Variants in CATSPERQ observed in about 807,000 individuals in gnomAD.
The protein encoded by CATSPERQ is catsper channel auxiliary subunit theta, also known as cation channel sperm-associated auxiliary subunit theta.
At chr8:144,354,065 G>A in the CATSPERQ span, 20 of 1,535,398 alleles carry the variant, frequency 1.3e-5, no homozygotes, top group East Asian at 1.7e-4. This position sits in a 1 kb window ranked among gnomAD's most constrained non-coding sequence, Gnocchi z 4.6. Context: ...AGCACCAGGC[G>A]GCGCCGCGGC....
chr8:144,353,629 C>A, the CATSPERQ span: 1 of 1,460,294 alleles, frequency 6.8e-7, no homozygotes, highest in Non-Finnish European at 9.2e-7. Context: ...CCGTCCTGCC[C>A]GAAGCCCCGG....
At chr8:144,354,764 G>T in the CATSPERQ span, 3 of 1,535,004 alleles carry the variant, frequency 2.0e-6, no homozygotes, top group Non-Finnish European at 2.6e-6. The surrounding 1 kb of genome is among the most constrained non-coding windows in gnomAD (Gnocchi z 4.6). Context: ...CGGCCCTTAG[G>T]CATCTGAGTC....
chr8:144,354,021 G>A, the CATSPERQ span: 9 of 1,535,494 alleles, frequency 5.9e-6, no homozygotes, highest in Non-Finnish European at 7.0e-6. This position sits in a 1 kb window ranked among gnomAD's most constrained non-coding sequence, Gnocchi z 4.6. Flanking sequence ...TGCGGCCCTG[G>A]ATGGAGAAGT....
the CATSPERQ span, chr8:144,353,968 G>A: frequency 3.3e-6 from 5 of 1,533,134 alleles, no homozygotes; most frequent in East Asian, 4.9e-5. Context: ...GGAGCTGAGC[G>A]CCAGGCGCAC....
chr8:144,353,605 C>T, the CATSPERQ span: 1 of 1,467,832 alleles, frequency 6.8e-7, no homozygotes, highest in African/African-American at 1.4e-5. Context: ...CCTTCCCCTA[C>T]CAGGCTGCAT....
At chr8:144,354,578 A>AGCCCCGCCCCGCCCC in the CATSPERQ span, 2 of 221,158 alleles carry the variant, frequency 9.0e-6, no homozygotes, top group South Asian at 5.3e-5. This position sits in a 1 kb window ranked among gnomAD's most constrained non-coding sequence, Gnocchi z 4.6. Flanking sequence ...CGCCCTTCCC[A>AGCCCCGCCCCGCCCC]GCCCCGCCCC....
the CATSPERQ span, chr8:144,354,535 A>T: frequency 1.4e-6 from 2 of 1,439,344 alleles, no homozygotes; most frequent in African/African-American, 1.4e-5. The surrounding 1 kb of genome is among the most constrained non-coding windows in gnomAD (Gnocchi z 4.6). Flanking sequence ...CGCCCCATTC[A>T]GGCCTCGGGC....
At chr8:144,354,373 G>T in the CATSPERQ span, 4 of 1,508,424 alleles carry the variant, frequency 2.7e-6, no homozygotes, top group South Asian at 3.6e-5. The surrounding 1 kb of genome is among the most constrained non-coding windows in gnomAD (Gnocchi z 4.6). Context: ...GGCCCTGCCC[G>T]CAGCCGGGGG....
At chr8:144,353,841 G>A in the CATSPERQ span, 5 of 1,535,296 alleles carry the variant, frequency 3.3e-6, no homozygotes, top group East Asian at 2.4e-5. Context: ...CGAGGACCAG[G>A]TGGAAGAAGC....
chr8:144,354,917 G>A, the CATSPERQ span: 1 of 1,305,992 alleles, frequency 7.7e-7, no homozygotes, highest in East Asian at 2.5e-5. This position sits in a 1 kb window ranked among gnomAD's most constrained non-coding sequence, Gnocchi z 4.6. Flanking sequence ...GGGCAGCGAG[G>A]CCAGGGAGCG....
At chr8:144,354,495 G>A in the CATSPERQ span, 11 of 1,375,718 alleles carry the variant, frequency 8.0e-6, no homozygotes, top group Non-Finnish European at 1.0e-5. This position sits in a 1 kb window ranked among gnomAD's most constrained non-coding sequence, Gnocchi z 4.6. Flanking sequence ...CCCACCCAGG[G>A]CCCTGGCCCT....
the CATSPERQ span, chr8:144,354,008 C>T: frequency 2.6e-6 from 4 of 1,535,148 alleles, no homozygotes; most frequent in East Asian, 7.3e-5. This position sits in a 1 kb window ranked among gnomAD's most constrained non-coding sequence, Gnocchi z 4.6. Flanking sequence ...CCCTGGCACA[C>T]GGTGCGGCCC....
chr8:144,354,099 G>A, the CATSPERQ span: 2 of 1,535,240 alleles, frequency 1.3e-6, no homozygotes, highest in Non-Finnish European at 8.7e-7. The surrounding 1 kb of genome is among the most constrained non-coding windows in gnomAD (Gnocchi z 4.6). Flanking sequence ...CGAGCCACAG[G>A]CCCACGCCCA....
chr8:144,354,138 T>G, the CATSPERQ span: 2 of 1,534,636 alleles, frequency 1.3e-6, no homozygotes, highest in Non-Finnish European at 1.7e-6. This position sits in a 1 kb window ranked among gnomAD's most constrained non-coding sequence, Gnocchi z 4.6. Flanking sequence ...CCCAGGTCTC[T>G]TGCTTCTGCA....
chr8:144,354,181 G>T, the CATSPERQ span: 1 of 1,541,338 alleles, frequency 6.5e-7, no homozygotes, highest in South Asian at 1.2e-5. This position sits in a 1 kb window ranked among gnomAD's most constrained non-coding sequence, Gnocchi z 4.6. Context: ...TCTGAGCGGC[G>T]CGGGGCCGGC....
chr8:144,353,462 G>A, the CATSPERQ span: 112 of 1,535,846 alleles, frequency 7.3e-5, 1 homozygote, highest in Non-Finnish European at 9.8e-5. Context: ...GGTAGGAGGT[G>A]GCCAGGTAGT....
At chr8:144,354,571 C>CCCAAAA in the CATSPERQ span, 1 of 736,474 alleles carries the variant, frequency 1.4e-6, no homozygotes, top group Non-Finnish European at 2.1e-6. The surrounding 1 kb of genome is among the most constrained non-coding windows in gnomAD (Gnocchi z 4.6). Context: ...CCCGCCCCGC[C>CCCAAAA]CTTCCCAGCC....
At chr8:144,353,711 C>T in the CATSPERQ span, 6 of 1,524,924 alleles carry the variant, frequency 3.9e-6, no homozygotes, top group East Asian at 2.5e-5. Flanking sequence ...CGGCCCCACC[C>T]AAAGACCTTA....
the CATSPERQ span, chr8:144,354,830 C>T: frequency 2.0e-6 from 3 of 1,507,296 alleles, no homozygotes; most frequent in Non-Finnish European, 2.7e-6. The surrounding 1 kb of genome is among the most constrained non-coding windows in gnomAD (Gnocchi z 4.6). Flanking sequence ...CTGCCCACAG[C>T]GGCACTCCTA....
Sources: allele counts gnomAD v4.1 joint callset, GRCh38; gene constraint gnomAD v4.1.1; non-coding constraint Gnocchi (gnomAD v3.1); transcripts MANE v1.5; gene names NCBI Gene and HGNC (gene_info 2026-07-23, HGNC 2026-07-21).